The following NPHP3 variants were observed in gnomAD, a reference collection of about 807,000 sequenced individuals.
The protein encoded by NPHP3 is nephrocystin-3.
In NPHP3, 123 loss-of-function variants were observed where a neutral mutation model predicts 171.9. That is an observed-to-expected ratio of 0.72 (90% CI 0.62 to 0.83). NPHP3 has a LOEUF of 0.83. Among genes scored for constraint, NPHP3 ranks in the 40% least tolerant of loss-of-function variants. The probability of loss-of-function intolerance (pLI) is 0.00; values close to 1 mark genes in which losing one functional copy is unlikely to be tolerated. For missense variants in NPHP3, 1,506 were observed against 1,591.9 expected (o/e 0.95, Z 0.92); for synonymous variants, 558 against 579.2 (o/e 0.96, Z 0.52).
chr3:132,709,027 G>A (rs1006636900), intron 6 of NPHP3, among the ~76,000 whole-genome samples: 6 of 151,930 alleles, frequency 3.9e-5, no homozygotes, highest in African/African-American at 1.2e-4. Context: ...CTCTTTCCCA[G>A]TTCTTTCAGA....
At position 132,700,480 on chromosome 3, in the gene NPHP3, C is replaced by T. The variant is rs368936284; in HGVS notation, c.1629-32G>A. The T allele has an allele frequency of 7.2e-5, 95 of 1,315,686 alleles. No individual in the cohort carries two copies. The African/African-American group carries it at 8.7e-4, about 12-fold the overall frequency. 81.5% of individuals were successfully genotyped at this position (1,315,686 alleles called of 1,614,324 possible). ...GAAAAAGACAGAACTTTTATAAAAC[C>T]GATAAAGTTCCTTGACTGTCAATAA... On this transcript the variant is annotated intron_variant, in intron 10 of 26. Transcript: ENST00000337331.
At chr3:132,700,187 G>T in intron 11 of NPHP3, 126 bp from the exon 12 acceptor site, 1 of 1,243,304 alleles carries the variant, frequency 8.0e-7, no homozygotes, top group Non-Finnish European at 1.2e-6. Flanking sequence ...AAGAGGACCC[G>T]ATTGTATCGA....
At chr3:132,693,300 A>G (rs761001733) in intron 16 of NPHP3, 3 of 166,472 alleles carry the variant, frequency 1.8e-5, no homozygotes, top group Non-Finnish European at 3.8e-5. Flanking sequence ...GTGGAGCTAG[A>G]GGACAGGCAG....
intron 19 of NPHP3, 146 bp downstream of exon 19, chr3:132,690,382 G>A: frequency 1.4e-6 from 1 of 739,454 alleles, no homozygotes; most frequent in Non-Finnish European, 2.2e-6. Flanking sequence ...ATAGAGATTT[G>A]TAAATTGTCT....
At chr3:132,715,966 T>A (rs1354443896) in intron 4 of NPHP3, among the ~76,000 whole-genome samples, 11 of 152,266 alleles carry the variant, frequency 7.2e-5, no homozygotes, top group Admixed American at 7.2e-4. Flanking sequence ...GGTGTTTGCA[T>A]ATAAATTACG....
At chr3:132,712,458 A>C (rs1444458860) in intron 6 of NPHP3, 1 of 456,942 alleles carries the variant, frequency 2.2e-6, no homozygotes, top group East Asian at 6.9e-5. Context: ...TTATAGTATG[A>C]AGGCAGCTGT....
At chr3:132,711,825 A>C (rs996221172) in intron 6 of NPHP3, among the ~76,000 whole-genome samples, 9 of 152,244 alleles carry the variant, frequency 5.9e-5, no homozygotes, top group African/African-American at 2.2e-4. Context: ...AAGGCAATCA[A>C]GTTGAAGAAC....
chr3:132,719,866 T>C (rs751663298), intron 1 of NPHP3, 36 bp from the exon 2 acceptor site: 4 of 1,472,086 alleles, frequency 2.7e-6, no homozygotes, highest in Non-Finnish European at 3.7e-6. Context: ...CTAACAAAAA[T>C]AGTCTTGCTC....
intron 10 of NPHP3, among the ~76,000 whole-genome samples, 197 bp from the exon 11 acceptor site, chr3:132,700,645 G>A (rs1317481798): frequency 2.0e-5 from 3 of 152,030 alleles, no homozygotes; most frequent in African/African-American, 7.2e-5. Flanking sequence ...AAAAATTGTA[G>A]ATTCATTTTA....
intron 16 of NPHP3, 52 bp downstream of exon 16, chr3:132,694,775 C>G: frequency 6.3e-7 from 1 of 1,591,878 alleles, no homozygotes; most frequent in South Asian, 1.1e-5. Flanking sequence ...TTTCCATTCA[C>G]ACACACACAA....
intron 26 of NPHP3, 24 bp from the exon 27 acceptor site, chr3:132,682,114 C>A (rs1939046228): frequency 6.2e-7 from 1 of 1,601,692 alleles, no homozygotes; most frequent in African/African-American, 1.3e-5. Flanking sequence ...AACAAAAACT[C>A]TTAAAATGAG....
chr3:132,722,368 C>G lies in NPHP3; in HGVS notation c.-13G>C. 2 of 1,575,386 alleles carry G rather than the reference C, an allele frequency of 1.3e-6. No individual in the cohort carries two copies. Among genetic ancestry groups the G allele is most frequent in the East Asian group, 2.4e-5 (1 of 42,266 alleles). ...AGGCGGTCCCCATGGCGTCCGTTGC[C>G]GCTACTACCTAGTGAGTACCAGCAG... On this transcript the variant is annotated 5_prime_UTR_variant, in exon 1 of 27. Coordinates refer to ENST00000337331, the MANE Select transcript of NPHP3 (RefSeq NM_153240.5).
At chr3:132,703,110 C>G (rs1487017102) in intron 9 of NPHP3, among the ~76,000 whole-genome samples, 2 of 152,198 alleles carry the variant, frequency 1.3e-5, no homozygotes, top group Non-Finnish European at 1.5e-5. Context: ...GTGCTAAGCA[C>G]TTTATGTGCA....
At position 132,700,034 on chromosome 3, in the gene NPHP3, C is replaced by A; in HGVS notation, c.1771G>T (p.Ala591Ser). 6.2e-7 allele frequency: 1 copy of A among 1,614,100 alleles called. No individual in the cohort carries two copies. Among genetic ancestry groups the A allele is most frequent in the Middle Eastern group, 1.6e-4 (1 of 6,062 alleles). ...AGCTTAGCAGGATCCAGTGTCAGAG[C>A]AGAGACTGACCAAGAGTGCTGCATC... ...KLMQHSWSVS[A>S]LTLDPAKLLE... Residue 591 changes from alanine (A) to serine (S), a missense_variant, in exon 12 of 27, where the codon GCT (alanine) becomes TCT (serine). This residue lies in a region of NPHP3 where 930 missense variants were observed against 924.9 expected (regional missense o/e 1.01). Transcript: ENST00000337331.
intron 12 of NPHP3, 39 bp downstream of exon 12, chr3:132,699,879 T>G (rs377550547): frequency 6.2e-7 from 1 of 1,606,040 alleles, no homozygotes; most frequent in African/African-American, 1.3e-5. Flanking sequence ...TTACATCTCT[T>G]TCTGAGCATA....
At chr3:132,686,097 T>C (rs1576661590) in intron 23 of NPHP3, 163 bp downstream of exon 23, 1 of 641,766 alleles carries the variant, frequency 1.6e-6, no homozygotes, top group East Asian at 2.9e-5. Flanking sequence ...GAAAATGCCA[T>C]GGTCTTTAGG....
At chr3:132,709,281 T>C (rs868734596) in intron 6 of NPHP3, among the ~76,000 whole-genome samples, 3,078 of 124,212 alleles carry the variant, frequency 0.025, 85 homozygotes, top group East Asian at 0.091. Context: ...CCTTTTTTTT[T>C]TTTTTTTTTT....
chr3:132,721,176 GAA>G (rs1054367121), intron 1 of NPHP3, among the ~76,000 whole-genome samples: 4 of 151,922 alleles, frequency 2.6e-5, no homozygotes, highest in African/African-American at 4.8e-5. Context: ...CCTAGGCCTC[GAA>G]AAGTGTTGGG....
chr3:132,720,658 A>AC (rs1940183466), intron 1 of NPHP3, among the ~76,000 whole-genome samples: 2 of 151,914 alleles, frequency 1.3e-5, no homozygotes, highest in Admixed American at 6.5e-5. Flanking sequence ...TTTAAAAACA[A>AC]AAACAACAAC....
Sources: allele counts gnomAD v4.1 joint callset (sites outside exome capture counted in the v4.1 genomes callset), GRCh38; gene constraint gnomAD v4.1.1; regional missense constraint gnomAD v4.1.1; transcripts MANE v1.5; gene names NCBI Gene and HGNC (gene_info 2026-07-23, HGNC 2026-07-21).